Variants in HERC2 observed in about 807,000 individuals in gnomAD.
The protein encoded by HERC2 is E3 ubiquitin-protein ligase HERC2.
A neutral mutation model predicts 537.7 loss-of-function variants in HERC2; 102 were observed. The observed-to-expected ratio is 0.19, with a 90% CI of 0.16 to 0.22. The LOEUF (loss-of-function observed/expected upper bound fraction) is 0.22. HERC2 is among the 10% of genes least tolerant of loss of function. The probability of loss-of-function intolerance (pLI) is 1.00; values close to 1 mark genes in which losing one functional copy is unlikely to be tolerated. For synonymous variants in HERC2, 2,224 were observed against 2,466.2 expected (o/e 0.90, Z 2.91); for missense variants, 4,236 against 6,198.2 (o/e 0.68, Z 10.63).
intron 2 of HERC2, among the ~76,000 whole-genome samples, chr15:28,304,184 A>AC (rs1258926827): frequency 1.3e-5 from 2 of 151,104 alleles, no homozygotes; most frequent in African/African-American, 4.9e-5. Context: ...AAAAAAAAAA[A>AC]AAAAAAAACA....
At chr15:28,210,904 A>T in intron 44 of HERC2, 98 bp downstream of exon 44, 2 of 1,071,768 alleles carry the variant, frequency 1.9e-6, no homozygotes, top group Non-Finnish European at 2.9e-6. Flanking sequence ...TACATTTATA[A>T]GCCACCTATG....
chr15:28,113,066 C>G lies in HERC2; in HGVS notation c.14232+5G>C. The G allele has an allele frequency of 3.1e-6, 5 of 1,611,970 alleles. No individual in the cohort carries two copies. Among genetic ancestry groups the G allele is most frequent in the Non-Finnish European group, 4.2e-6 (5 of 1,179,240 alleles). ...CAGGGCCGGCAAGCCCAGCCAGGAG[C>G]CTACCTGGATGACGAAGTCTCGGCC... On this transcript the variant is annotated splice_donor_5th_base_variant and intron_variant, in intron 92 of 92. Coordinates refer to ENST00000261609, the MANE Select transcript of HERC2 (RefSeq NM_004667.6). The surrounding 1 kb of genome is among the most constrained non-coding windows in gnomAD (Gnocchi z 7.0).
rs921217784 is a variant in HERC2 at position 28,148,915 on chromosome 15, C to G, written c.10901-2571G>C. On this transcript the variant is annotated intron_variant, in intron 70 of 92. Transcript: ENST00000261609. Reference sequence around the variant, plus strand: ...TTCTAGTAAAATTACTGAAAAAACACACAACTCCTAACTGAAACATCACCG... The same window carrying G: ...TTCTAGTAAAATTACTGAAAAAACAGACAACTCCTAACTGAAACATCACCG... Among the ~76,000 whole-genome samples, 3 of 149,082 alleles carry G rather than the reference C, an allele frequency of 2.0e-5. No individual in the cohort carries two copies. In the East Asian group the frequency reaches 6.0e-4, roughly 30 times the overall value.
At chr15:28,301,740 TA>T in intron 2 of HERC2, among the ~76,000 whole-genome samples, 1 of 45,672 alleles carries the variant, frequency 2.2e-5, no homozygotes, top group African/African-American at 2.5e-4. Context: ...TATGTGTATA[TA>T]TATATATATA....
At chr15:28,118,720 T>A (rs1183495984) in intron 86 of HERC2, among the ~76,000 whole-genome samples, 1 of 152,200 alleles carries the variant, frequency 6.6e-6, no homozygotes, top group Non-Finnish European at 1.5e-5. Context: ...GAGGCGCCTG[T>A]GCAGCCTTCC....
chr15:28,215,081 G>A (rs1195848435), intron 39 of HERC2, among the ~76,000 whole-genome samples: 1 of 151,912 alleles, frequency 6.6e-6, no homozygotes, highest in Non-Finnish European at 1.5e-5. Flanking sequence ...ATTTCACTAT[G>A]TTGGCCAGGC....
chr15:28,187,029 C>T (rs1896373494), intron 55 of HERC2, among the ~76,000 whole-genome samples: 1 of 152,196 alleles, frequency 6.6e-6, no homozygotes, highest in Admixed American at 6.5e-5. Context: ...AACAGCCTTA[C>T]TGAATGACTG....
intron 12 of HERC2, among the ~76,000 whole-genome samples, 158 bp from the exon 13 acceptor site, chr15:28,266,132 A>G (rs897875101): frequency 2.0e-5 from 3 of 152,158 alleles, no homozygotes; most frequent in Admixed American, 6.5e-5. Context: ...GAGAATTCCA[A>G]CACCTAACAC....
chr15:28,193,422 G>C (rs1220833458), intron 52 of HERC2, among the ~76,000 whole-genome samples: 1 of 152,122 alleles, frequency 6.6e-6, no homozygotes, highest in East Asian at 1.9e-4. Flanking sequence ...CTGGAATGAA[G>C]AACTGAGGAA....
chr15:28,163,325 T>C (rs1236093110), intron 68 of HERC2, 40 bp from the exon 69 acceptor site: 1 of 1,573,566 alleles, frequency 6.4e-7, no homozygotes, highest in Non-Finnish European at 8.7e-7. Context: ...TGAGGAATGA[T>C]ATGCTAAGAG....
rs567022520 is a variant in HERC2, at chr15:28,242,078, T to A, written c.3578-3306A>T. On this transcript the variant is annotated intron_variant, in intron 23 of 92. Coordinates refer to ENST00000261609, the MANE Select transcript of HERC2 (RefSeq NM_004667.6). The stretch of plus-strand genomic sequence containing the variant: ...AATAAGCCAATCCCAAAAGGATAAA[T>A]ACTGTATGGTTCCATGTATATGAAG... 1.2e-3 allele frequency among the ~76,000 whole-genome samples: 187 copies of A among 152,280 alleles called. 2 individuals are homozygous for A. Among genetic ancestry groups the A allele is most frequent in the African/African-American group, 4.1e-3 (170 of 41,554 alleles).
chr15:28,260,068 A>G (rs2075376950), intron 16 of HERC2, among the ~76,000 whole-genome samples: 1 of 151,554 alleles, frequency 6.6e-6, no homozygotes, highest in Non-Finnish European at 1.5e-5. Context: ...AGGCTGGTGC[A>G]GTGCCTCACA....
intron 26 of HERC2, among the ~76,000 whole-genome samples, chr15:28,236,082 G>A (rs868592760): frequency 6.6e-6 from 1 of 152,208 alleles, no homozygotes; most frequent in Non-Finnish European, 1.5e-5. Context: ...TGGGCATGCA[G>A]GGAGACAAAA....
At chr15:28,292,585 G>A (rs2076347551) in intron 4 of HERC2, among the ~76,000 whole-genome samples, 1 of 152,154 alleles carries the variant, frequency 6.6e-6, no homozygotes, top group African/African-American at 2.4e-5. Flanking sequence ...GGAGTGTGAG[G>A]CAGGGAGATC....
At chr15:28,150,068 G>A (rs1262560297) in intron 70 of HERC2, among the ~76,000 whole-genome samples, 2 of 144,828 alleles carry the variant, frequency 1.4e-5, no homozygotes, top group African/African-American at 5.2e-5. Flanking sequence ...CACCTAGAAC[G>A]GCCACACAAA....
intron 3 of HERC2, among the ~76,000 whole-genome samples, chr15:28,298,175 A>G (rs2076523121): frequency 6.8e-6 from 1 of 146,448 alleles, no homozygotes; most frequent in Non-Finnish European, 1.5e-5. Flanking sequence ...TTTTTTTGAG[A>G]TGGAGTCTCA....
intron 2 of HERC2, among the ~76,000 whole-genome samples, chr15:28,316,787 A>AT (rs1050121082): frequency 2.6e-5 from 4 of 151,932 alleles, no homozygotes; most frequent in African/African-American, 4.8e-5. Context: ...GATCGTTTTT[A>AT]TTTTTTTTGA....
rs1897360492 is a variant in HERC2 at position 28,196,581 on chromosome 15, C to G, written c.8012-12G>C. 6.8e-7 allele frequency: 1 copy of G among 1,480,060 alleles called. No homozygotes were observed. The allele number at this position is 1,480,060 out of a possible 1,614,324, so 91.7% of individuals were successfully genotyped here. ...ATTGGCACTGAAAGCTAGGACAGAA[C>G]AGAAATCACCTGATCCATCTTCCTC... On this transcript the variant is annotated splice_polypyrimidine_tract_variant and intron_variant, in intron 50 of 92. Coordinates refer to ENST00000261609, the MANE Select transcript of HERC2 (RefSeq NM_004667.6).
intron 12 of HERC2, among the ~76,000 whole-genome samples, chr15:28,267,983 C>G (rs1281559353): frequency 6.6e-6 from 1 of 152,252 alleles, no homozygotes. Flanking sequence ...TTTTTACAAC[C>G]TGGCATTTAT....
Sources: gnomAD v4.1 joint callset for allele counts (sites outside exome capture counted in the v4.1 genomes callset) on GRCh38, gnomAD v4.1.1 for gene constraint, Gnocchi (gnomAD v3.1) non-coding constraint, MANE v1.5 for transcripts, NCBI Gene and HGNC (gene_info 2026-07-23, HGNC 2026-07-21) for gene names.